The following APBA2 variants were observed in gnomAD, a reference collection of about 807,000 sequenced individuals.
APBA2 encodes amyloid beta precursor protein binding family A member 2.
Under a neutral mutation model 75.0 loss-of-function variants are expected in APBA2, and 30 were observed. The observed-to-expected ratio is 0.40, with a 90% CI of 0.30 to 0.54. The LOEUF (loss-of-function observed/expected upper bound fraction) is 0.54, where lower values mean the gene tolerates loss of function less well. Ranked by LOEUF, APBA2 falls within the 20% of genes least tolerant of loss-of-function variation. The pLI, the probability that APBA2 is intolerant of heterozygous loss-of-function variation, is 0.49. For synonymous variants in APBA2, 444 were observed against 409.6 expected, an observed-to-expected ratio of 1.08 and a Z score of -1.01; for missense variants, 801 against 1,016.1, an observed-to-expected ratio of 0.79 and a Z score of 2.88.
intron 2 of APBA2, among the ~76,000 whole-genome samples, chr15:28,945,683 A>G (rs939672801): frequency 6.6e-6 from 1 of 151,864 alleles, no homozygotes; most frequent in Non-Finnish European, 1.5e-5. Context: ...CCGCCTGGCT[A>G]ATTTTTGTAT....
chr15:29,010,865 AAC>A (rs1326304021), intron 3 of APBA2, among the ~76,000 whole-genome samples: 5 of 152,258 alleles, frequency 3.3e-5, no homozygotes, highest in South Asian at 2.1e-4. Flanking sequence ...GTAGTAAAAA[AAC>A]ACAGCATAAA....
chr15:28,983,829 G>A (rs1030005856), intron 2 of APBA2, among the ~76,000 whole-genome samples: 1 of 152,206 alleles, frequency 6.6e-6, no homozygotes, highest in Non-Finnish European at 1.5e-5. Context: ...TGGGATCTGC[G>A]GGAAGGGTTT....
At chr15:29,037,914 G>A (rs530055110) in intron 3 of APBA2, among the ~76,000 whole-genome samples, 1 of 152,138 alleles carries the variant, frequency 6.6e-6, no homozygotes, top group Non-Finnish European at 1.5e-5. Context: ...CCTGACGGCA[G>A]AGTCCTCATG....
intron 13 of APBA2, among the ~76,000 whole-genome samples, chr15:29,110,394 G>A (rs1263530567): frequency 6.6e-6 from 1 of 152,184 alleles, no homozygotes; most frequent in Non-Finnish European, 1.5e-5. Context: ...TGCTTGTCCT[G>A]TTCCTGCACC....
At chr15:29,041,560 A>G (rs1372664202) in intron 3 of APBA2, among the ~76,000 whole-genome samples, 1 of 151,978 alleles carries the variant, frequency 6.6e-6, no homozygotes, top group Admixed American at 6.6e-5. Context: ...AAAGAACTAC[A>G]TATAAATAAG....
chr15:28,927,693 C>T lies in APBA2; in HGVS notation c.-95+5944C>T, dbSNP rs542521072. Among the ~76,000 whole-genome samples the T allele has an allele frequency of 8.6e-5, 13 of 151,608 alleles. No homozygotes were observed. The South Asian group carries it at 2.7e-3, about 32-fold the overall frequency. On this transcript the variant is annotated intron_variant, in intron 2 of 14. Coordinates refer to ENST00000683413, the MANE Select transcript of APBA2 (RefSeq NM_001353788.2). ...CCCCCCGCCTCAGCCTCCCAAAGTG[C>T]TGGGATTACAGGCATGAGCCGCTGT...
intron 7 of APBA2, 56 bp from the exon 8 acceptor site, chr15:29,094,222 C>G (rs376497554): frequency 5.0e-6 from 8 of 1,587,400 alleles, no homozygotes; most frequent in Non-Finnish European, 6.1e-6. Context: ...CATAACCTCA[C>G]GCACCTTCCT....
intron 2 of APBA2, among the ~76,000 whole-genome samples, chr15:28,950,747 T>TG (rs1319085482): frequency 3.3e-5 from 5 of 152,118 alleles, no homozygotes; most frequent in African/African-American, 1.2e-4. Flanking sequence ...CACTCCTTCA[T>TG]GGGGGGTGGG....
At chr15:29,094,198 A>G (rs1037097027) in intron 7 of APBA2, 80 bp from the exon 8 acceptor site, 9 of 1,509,594 alleles carry the variant, frequency 6.0e-6, no homozygotes, top group Non-Finnish European at 8.3e-6. Context: ...TGGGGGCATC[A>G]ACCACCAAAG....
chr15:29,079,624 G>T (rs1005536996), intron 6 of APBA2, among the ~76,000 whole-genome samples: 8 of 152,032 alleles, frequency 5.3e-5, no homozygotes, highest in Non-Finnish European at 8.8e-5. Context: ...TCCCACTGCG[G>T]GCCCTTCCAG....
chr15:28,963,901 G>A (rs541369048), intron 2 of APBA2, among the ~76,000 whole-genome samples: 40 of 152,340 alleles, frequency 2.6e-4, no homozygotes, highest in African/African-American at 9.4e-4. Context: ...GTATGTGTGT[G>A]TGTATGTGTG....
Position 29,060,071 on chromosome 15 carries a change from T to C in APBA2, c.951+5236T>C, listed in dbSNP as rs185346910. On this transcript the variant is annotated intron_variant, in intron 4 of 14. Coordinates refer to ENST00000683413, the MANE Select transcript of APBA2 (RefSeq NM_001353788.2). The stretch of plus-strand genomic sequence containing the variant: ...TGAACTCCCAAGGCCTCTCCCTGTA[T>C]GCTTCAGTTCCAAGATGATTCAGCA... Among the ~76,000 whole-genome samples, 6 of 152,310 alleles carry C rather than the reference T, an allele frequency of 3.9e-5. No homozygotes were observed. In the East Asian group the frequency reaches 1.2e-3, roughly 29 times the overall value.
chr15:29,005,910 AAAAG>A (rs1417336010), intron 3 of APBA2, among the ~76,000 whole-genome samples: 2 of 151,908 alleles, frequency 1.3e-5, no homozygotes, highest in Non-Finnish European at 2.9e-5. Flanking sequence ...TGACAGTTAG[AAAAG>A]AAAGAGTTTA....
intron 2 of APBA2, among the ~76,000 whole-genome samples, chr15:28,946,611 C>T (rs1427872930): frequency 6.6e-6 from 1 of 152,094 alleles, no homozygotes; most frequent in Non-Finnish European, 1.5e-5. Context: ...CAGGATCTTG[C>T]TCTGTCATCC....
At chr15:29,035,679 C>A (rs941318710) in intron 3 of APBA2, among the ~76,000 whole-genome samples, 2 of 152,148 alleles carry the variant, frequency 1.3e-5, no homozygotes, top group Non-Finnish European at 2.9e-5. Context: ...TGGTGTTCCA[C>A]GTTCGAAGCA....
At chr15:28,963,102 C>T (rs2036560751) in intron 2 of APBA2, among the ~76,000 whole-genome samples, 1 of 152,178 alleles carries the variant, frequency 6.6e-6, no homozygotes. Context: ...GACCTAAAGC[C>T]TTTAGTGAAG....
intron 13 of APBA2, among the ~76,000 whole-genome samples, chr15:29,111,814 C>T (rs1365492580): frequency 1.2e-4 from 19 of 152,168 alleles, no homozygotes. Context: ...GGCTGAGGTG[C>T]ACTGGGGCTC....
chr15:28,907,689 G>A (rs527729147), intron 1 of APBA2, among the ~76,000 whole-genome samples: 21 of 152,168 alleles, frequency 1.4e-4, no homozygotes, highest in African/African-American at 5.1e-4. Flanking sequence ...TGTAGAGCTT[G>A]CGTCCCATCA....
At chr15:29,067,690 A>G (rs572978885) in intron 4 of APBA2, among the ~76,000 whole-genome samples, 1 of 152,334 alleles carries the variant, frequency 6.6e-6, no homozygotes, top group Admixed American at 6.5e-5. Context: ...CGCCTTTTCC[A>G]CAAGTTTAAA....
Sources: allele counts gnomAD v4.1 joint callset (sites outside exome capture counted in the v4.1 genomes callset), GRCh38; gene constraint gnomAD v4.1.1; transcripts MANE v1.5; gene names NCBI Gene and HGNC (gene_info 2026-07-23, HGNC 2026-07-21).